Variants in ADIPOR1 observed in about 807,000 individuals in gnomAD.
ADIPOR1 encodes the protein adiponectin receptor 1.
A neutral mutation model predicts 37.5 loss-of-function variants in ADIPOR1; 15 were observed. That is an observed-to-expected ratio of 0.40 (90% CI 0.27 to 0.62). The LOEUF (loss-of-function observed/expected upper bound fraction) is 0.62, where lower values mean the gene tolerates loss of function less well. ADIPOR1 is among the 20% of genes least tolerant of loss of function. ADIPOR1 has a pLI of 0.42. For missense variants in ADIPOR1, 286 were observed against 478.0 expected (o/e 0.60, Z 3.75); for synonymous variants, 173 against 173.2 (o/e 1.00, Z 0.01).
chr1:202,944,840 A>G, intron 5 of ADIPOR1, 143 bp downstream of exon 5: 1 of 750,878 alleles, frequency 1.3e-6, no homozygotes, highest in South Asian at 2.7e-5. Context: ...TCACCCCACT[A>G]TCGCCACAGA....
chr1:202,955,174 C>G (rs764501434), intron 1 of ADIPOR1, among the ~76,000 whole-genome samples: 2 of 152,108 alleles, frequency 1.3e-5, no homozygotes, highest in Non-Finnish European at 2.9e-5. Flanking sequence ...GCGTCCCAGA[C>G]TCTGAAGTGG....
chr1:202,957,152 T>C (rs930929140), intron 1 of ADIPOR1, among the ~76,000 whole-genome samples: 3 of 152,174 alleles, frequency 2.0e-5, no homozygotes, highest in African/African-American at 4.8e-5. Flanking sequence ...ATACAGATAG[T>C]ATACAACCTC....
intron 7 of ADIPOR1, 120 bp from the exon 8 acceptor site, chr1:202,941,821 A>G: frequency 1.5e-6 from 2 of 1,337,680 alleles, no homozygotes; most frequent in Non-Finnish European, 2.0e-6. Flanking sequence ...TAATAACATT[A>G]AAGTGGTATA....
chr1:202,942,990 T>C (rs1654159378), intron 6 of ADIPOR1, among the ~76,000 whole-genome samples: 1 of 151,796 alleles, frequency 6.6e-6, no homozygotes, highest in East Asian at 1.9e-4. Flanking sequence ...CGCCTCAGCC[T>C]CTCAAGTAGC....
chr1:202,955,360 C>A (rs1337198575), intron 1 of ADIPOR1, among the ~76,000 whole-genome samples: 1 of 151,654 alleles, frequency 6.6e-6, no homozygotes, highest in Non-Finnish European at 1.5e-5. Context: ...TCTTAGTAAC[C>A]GGGACTACAG....
intron 1 of ADIPOR1, chr1:202,954,328 G>T (rs188635753): frequency 2.0e-5 from 3 of 152,362 alleles, no homozygotes; most frequent in African/African-American, 7.2e-5. Context: ...ACAGAGACAG[G>T]AAAGGGAGAG....
At chr1:202,956,254 C>T (rs945957719) in intron 1 of ADIPOR1, among the ~76,000 whole-genome samples, 3 of 152,220 alleles carry the variant, frequency 2.0e-5, no homozygotes, top group African/African-American at 7.2e-5. Context: ...GACTGCTTAT[C>T]TTACCTGTGT....
intron 6 of ADIPOR1, 117 bp downstream of exon 6, chr1:202,943,641 A>G: frequency 8.5e-7 from 1 of 1,172,834 alleles, no homozygotes; most frequent in Non-Finnish European, 1.2e-6. Context: ...GTTCTGAAAC[A>G]CAAATCAGGG....
intron 2 of ADIPOR1, among the ~76,000 whole-genome samples, chr1:202,950,500 T>C (rs146941731): frequency 7.2e-5 from 11 of 152,170 alleles, no homozygotes; most frequent in Admixed American, 1.3e-4. Flanking sequence ...TTAAGAGTGA[T>C]GGGAGAGCAA....
At chr1:202,947,546 C>T (rs1422479149) in intron 3 of ADIPOR1, among the ~76,000 whole-genome samples, 1 of 151,866 alleles carries the variant, frequency 6.6e-6, no homozygotes, top group Non-Finnish European at 1.5e-5. Flanking sequence ...TATGGTACAA[C>T]CTCCTTTAGG....
intron 1 of ADIPOR1, among the ~76,000 whole-genome samples, chr1:202,954,003 A>C (rs1654682759): frequency 6.6e-6 from 1 of 152,170 alleles, no homozygotes; most frequent in South Asian, 2.1e-4. Context: ...TTGATCTGAA[A>C]AGTTTTTATG....
intron 1 of ADIPOR1, among the ~76,000 whole-genome samples, chr1:202,957,898 G>T (rs1279415070): frequency 6.6e-6 from 1 of 152,212 alleles, no homozygotes; most frequent in Non-Finnish European, 1.5e-5. Flanking sequence ...GGCTAAAGGC[G>T]CAGCACTCAC....
intron 5 of ADIPOR1, 140 bp downstream of exon 5, chr1:202,944,843 G>T: frequency 1.3e-6 from 1 of 773,528 alleles, no homozygotes; most frequent in Non-Finnish European, 2.0e-6. Flanking sequence ...CCCCACTATC[G>T]CCACAGAACA....
chr1:202,954,932 C>A lies in ADIPOR1; in HGVS notation c.-95+3253G>T, dbSNP rs569692921. 2.0e-5 allele frequency among the ~76,000 whole-genome samples: 3 copies of A among 152,212 alleles called. No homozygotes were observed. The South Asian group carries it at 6.3e-4, about 32-fold the overall frequency. On this transcript the variant is annotated intron_variant, in intron 1 of 7. Coordinates refer to ENST00000340990, the MANE Select transcript of ADIPOR1 (RefSeq NM_015999.6). ...AGTTTCTAAGAGTTTAGTTCCTGGG[C>A]CTTTAGAGAGTCTATGGGTAGCCTC...
chr1:202,943,978 T>G (rs1181587326), intron 5 of ADIPOR1, 33 bp from the exon 6 acceptor site: 1 of 1,572,974 alleles, frequency 6.4e-7, no homozygotes, highest in East Asian at 2.2e-5. Context: ...AACAAATCAG[T>G]GGGGGAAATG....
chr1:202,949,592 A>AAAAAAAAAAAAAAAAAC (rs1386405820), intron 2 of ADIPOR1, among the ~76,000 whole-genome samples: 14 of 150,462 alleles, frequency 9.3e-5, no homozygotes, highest in African/African-American at 3.2e-4. Flanking sequence ...AAAAAAAAAA[A>AAAAAAAAAAAAAAAAAC]AAAAACACAC....
chr1:202,941,982 T>C (rs1408360867), intron 7 of ADIPOR1, 43 bp downstream of exon 7: 1 of 1,571,492 alleles, frequency 6.4e-7, no homozygotes. Context: ...CTTTGGGCTG[T>C]TCACTCACCA....
chr1:202,953,343 CTTACTAAG>C (rs2102493569), intron 1 of ADIPOR1, among the ~76,000 whole-genome samples: 1 of 151,998 alleles, frequency 6.6e-6, no homozygotes, highest in Non-Finnish European at 1.5e-5. Context: ...TAGCTTGTTA[CTTACTAAG>C]TTACTGTTGG....
chr1:202,946,301 G>T (rs916245165), intron 4 of ADIPOR1, 138 bp downstream of exon 4: 1 of 1,026,432 alleles, frequency 9.7e-7, no homozygotes, highest in Admixed American at 2.4e-5. Flanking sequence ...GTCAACCAAG[G>T]TTATTAGCTT....
Sources: allele counts gnomAD v4.1 joint callset (sites outside exome capture counted in the v4.1 genomes callset), GRCh38; gene constraint gnomAD v4.1.1; transcripts MANE v1.5; gene names NCBI Gene and HGNC (gene_info 2026-07-23, HGNC 2026-07-21).